The following PHF12 variants were observed in gnomAD, a reference collection of about 807,000 sequenced individuals.
PHF12 encodes the protein PHD finger protein 12, also known as PHD factor 1.
PHF12 carries 6 observed loss-of-function variants against 99.8 expected under a neutral mutation model. The observed-to-expected ratio is 0.06, with a 90% CI of 0.03 to 0.12. The LOEUF (loss-of-function observed/expected upper bound fraction) is 0.12. Among genes scored for constraint, PHF12 ranks in the 10% least tolerant of loss-of-function variants. The pLI is 1.00. For synonymous variants in PHF12, 480 were observed against 514.9 expected, an observed-to-expected ratio of 0.93 and a Z score of 0.92; for missense variants, 954 against 1,300.1, an observed-to-expected ratio of 0.73 and a Z score of 4.09.
In PHF12 at chr17:28,906,104, C is replaced by G. The variant is rs202138656; in HGVS notation, c.*79G>C. ...TTTCTGGTAGAGTATAGAAAACACC[C>G]GGGCTTGGTTTGTGTACATTTTTGC... On this transcript the variant is annotated 3_prime_UTR_variant, in exon 15 of 15. Coordinates refer to ENST00000332830, the MANE Select transcript of PHF12 (RefSeq NM_001033561.2). The surrounding 1 kb of genome is among the most constrained non-coding windows in gnomAD (Gnocchi z 4.2). 1.4e-6 allele frequency: 2 copies of G among 1,405,092 alleles called. No individual in the cohort carries two copies. Among genetic ancestry groups the G allele is most frequent in the East Asian group, 2.4e-5 (1 of 42,152 alleles). 87.0% of individuals were successfully genotyped at this position (1,405,092 alleles called of 1,614,324 possible). A position where few individuals can be genotyped will look rare whatever the true frequency, so the allele number is the denominator to read the frequency against.
Position 28,912,881 on chromosome 17 carries a change from G to T in PHF12, c.1690C>A (p.Arg564=). ...AGTGGGGTGTTAGCGCCTGGAAGTC[G>T]CCGGGGGTCCGTGGAATCAGTAGGG... The part of the protein sequence containing the change: ...SSPTDSTDPR[R]LPGANTPLPG... The change falls in exon 9 of 15, where the codon CGA becomes AGA. Residue 564 remains arginine (R), a synonymous_variant. Coordinates refer to ENST00000332830, the MANE Select transcript of PHF12 (RefSeq NM_001033561.2). 2 of 1,612,560 alleles carry T rather than the reference G, an allele frequency of 1.2e-6. No individual in the cohort carries two copies. Among genetic ancestry groups the T allele is most frequent in the Non-Finnish European group, 1.7e-6 (2 of 1,178,804 alleles).
At chr17:28,942,645 G>A (rs944782450) in intron 2 of PHF12, among the ~76,000 whole-genome samples, 3 of 151,686 alleles carry the variant, frequency 2.0e-5, no homozygotes, top group South Asian at 2.1e-4. Flanking sequence ...GTGAAACCCC[G>A]TCTCAACAAA....
rs535449187 is a variant in PHF12, at chr17:28,937,998, T to A, written c.249-10935A>T. 5.3e-5 allele frequency among the ~76,000 whole-genome samples: 8 copies of A among 152,302 alleles called. No homozygotes were observed. The East Asian group carries it at 1.5e-3, about 29-fold the overall frequency. ...GAAGGAAGAACCAACAACTGCCAAC[T>A]CTGTATTCTGGAAGAGTCTCAGAGG... On this transcript the variant is annotated intron_variant, in intron 2 of 14. Transcript: ENST00000332830.
chr17:28,947,619 C>A (rs1248906707), intron 2 of PHF12, among the ~76,000 whole-genome samples: 1 of 152,108 alleles, frequency 6.6e-6, no homozygotes, highest in Admixed American at 6.6e-5. Context: ...ACAAAAAAAA[C>A]TTCACTCTTG....
rs772293875 is a variant in PHF12, at chr17:28,913,240, A to G, written c.1331T>C (p.Leu444Ser). Residue 444 changes from leucine (L) to serine (S), a missense_variant, in exon 9 of 15, where the codon TTG (leucine) becomes TCG (serine). Physicochemically the swap from Leu to Ser is moderately radical, Grantham distance 145. Coordinates refer to ENST00000332830, the MANE Select transcript of PHF12 (RefSeq NM_001033561.2). ...CATCTGCTTAGCAGATAAATGTTTC[A>G]ATATGCTGCACTGGAGCGCAACAAC... Reference protein sequence around the residue: ...CSVVALQCSILKHLSAKQMPS... With the variant: ...CSVVALQCSISKHLSAKQMPS... 129 of 1,613,768 alleles carry G rather than the reference A, an allele frequency of 8.0e-5. No individual in the cohort carries two copies. Among genetic ancestry groups the G allele is most frequent in the Non-Finnish European group, 1.1e-4 (129 of 1,179,904 alleles).
chr17:28,907,700 G>A (rs760433256), intron 12 of PHF12, 28 bp from the exon 13 acceptor site: 23 of 1,599,882 alleles, frequency 1.4e-5, no homozygotes, highest in Admixed American at 3.3e-5. Flanking sequence ...TAGAGGAAAA[G>A]GAAGGCAGAG....
chr17:28,908,600 G>T, intron 12 of PHF12, 183 bp downstream of exon 12: 1 of 622,408 alleles, frequency 1.6e-6, no homozygotes, highest in Non-Finnish European at 2.8e-6. Flanking sequence ...GATTATAGGC[G>T]TGAGCCACCG....
chr17:28,940,691 C>G (rs1254957439), intron 2 of PHF12, among the ~76,000 whole-genome samples: 1 of 152,170 alleles, frequency 6.6e-6, no homozygotes, highest in African/African-American at 2.4e-5. Flanking sequence ...CTGGAAATGG[C>G]AGGCAGAAAA....
chr17:28,906,949 T>C lies in PHF12; in HGVS notation c.2587A>G (p.Thr863Ala), dbSNP rs374710227. 8.1e-6 allele frequency: 13 copies of C among 1,613,324 alleles called. No individual in the cohort carries two copies. Among genetic ancestry groups the C allele is most frequent in the African/African-American group, 4.0e-5 (3 of 74,820 alleles). Residue 863 changes from threonine to alanine, a missense_variant, in exon 14 of 15, where the codon ACG becomes GCG. Physicochemically the swap from Thr to Ala is moderately conservative, Grantham distance 58 (BLOSUM62 0). Around this residue, in one of 8 missense-constraint regions of PHF12, gnomAD observed 13 missense variants for 43.2 expected, o/e 0.30. Coordinates refer to ENST00000332830, the MANE Select transcript of PHF12 (RefSeq NM_001033561.2). This position sits in a 1 kb window ranked among gnomAD's most constrained non-coding sequence, Gnocchi z 4.2. ...CATGAATACAGCACATTGTCCACCGTTGTCCCATGCTCACTGTAGTTTAAC... is the reference window on the plus strand; with the variant it reads ...CATGAATACAGCACATTGTCCACCGCTGTCCCATGCTCACTGTAGTTTAAC... Reference protein sequence around the residue: ...ELLNYSEHGTTVDNVLYSCDF... With the variant: ...ELLNYSEHGTAVDNVLYSCDF...
chr17:28,950,002 C>G lies in PHF12; in HGVS notation c.248+63G>C. On this transcript the variant is annotated intron_variant, in intron 2 of 14. Transcript: ENST00000332830. This position sits in a 1 kb window ranked among gnomAD's most constrained non-coding sequence, Gnocchi z 5.7. ...GTTATTTCGGCAGTCAGGGGCAGGC[C>G]GGGTGAAGGAATGCGCAGAGAAGGG... The G allele has an allele frequency of 6.8e-7, 1 of 1,462,174 alleles. No individual in the cohort carries two copies. Among genetic ancestry groups the G allele is most frequent in the Non-Finnish European group, 9.1e-7 (1 of 1,095,868 alleles). 90.6% of individuals were successfully genotyped at this position (1,462,174 alleles called of 1,614,324 possible).
chr17:28,944,610 G>A, intron 2 of PHF12: 1 of 684,174 alleles, frequency 1.5e-6, no homozygotes, highest in South Asian at 6.6e-5. Flanking sequence ...TCACACCAAT[G>A]CACTCTAGCC....
chr17:28,916,072 A>G (rs2040055960), intron 7 of PHF12, among the ~76,000 whole-genome samples: 1 of 152,266 alleles, frequency 6.6e-6, no homozygotes, highest in African/African-American at 2.4e-5. Flanking sequence ...ATTTGAATCT[A>G]GTTTTGGAAA....
chr17:28,950,423 G>A lies in PHF12; in HGVS notation c.67-177C>T, dbSNP rs2040789018. ...GAACCAGGGGGAGCCCACCCTAACC[G>A]CGTTCCTGCAGCACAACAACGAGAA... On this transcript the variant is annotated intron_variant, in intron 1 of 14. Transcript: ENST00000332830. The surrounding 1 kb of genome is among the most constrained non-coding windows in gnomAD (Gnocchi z 5.7). 1.5e-6 allele frequency: 1 copy of A among 650,952 alleles called. No homozygotes were observed. The highest frequency in any genetic ancestry group is 2.6e-6 in the Non-Finnish European group (1 of 385,590). The allele number at this position is 650,952 out of a possible 1,614,324, so 40.3% of individuals were successfully genotyped here.
At chr17:28,944,927 A>G (rs535263960) in intron 2 of PHF12, 25 of 152,316 alleles carry the variant, frequency 1.6e-4, no homozygotes, top group African/African-American at 4.3e-4. Context: ...CACTTGCCTG[A>G]TACTATTCTA....
intron 2 of PHF12, among the ~76,000 whole-genome samples, chr17:28,947,427 A>G (rs2040739575): frequency 6.6e-6 from 1 of 152,196 alleles, no homozygotes; most frequent in Admixed American, 6.5e-5. Flanking sequence ...AAAATACAAA[A>G]ATTAGCTGGG....
At chr17:28,934,514 C>G (rs181014168) in intron 2 of PHF12, among the ~76,000 whole-genome samples, 140 of 152,094 alleles carry the variant, frequency 9.2e-4, no homozygotes, top group Non-Finnish European at 1.4e-3. Context: ...AAGGAAGGTT[C>G]TAGCAGTGGA....
intron 9 of PHF12, chr17:28,912,096 C>CGGCGT: frequency 9.7e-7 from 1 of 1,033,314 alleles, no homozygotes; most frequent in Non-Finnish European, 1.2e-6. Flanking sequence ...ATACTGAGGC[C>CGGCGT]ATCACGCAGA....
chr17:28,922,345 T>G (rs951189635), intron 4 of PHF12, among the ~76,000 whole-genome samples: 1 of 152,158 alleles, frequency 6.6e-6, no homozygotes, highest in Non-Finnish European at 1.5e-5. Flanking sequence ...CCTCCTGCCT[T>G]GATCTCTCAA....
intron 2 of PHF12, among the ~76,000 whole-genome samples, chr17:28,933,222 A>G (rs2040446931): frequency 6.6e-6 from 1 of 152,230 alleles, no homozygotes; most frequent in African/African-American, 2.4e-5. Flanking sequence ...AAAACACTAT[A>G]ATGAGACAAT....
Sources: gnomAD v4.1 joint callset for allele counts (sites outside exome capture counted in the v4.1 genomes callset) on GRCh38, gnomAD v4.1.1 for gene constraint, gnomAD v4.1.1 regional missense constraint, Gnocchi (gnomAD v3.1) non-coding constraint, MANE v1.5 for transcripts, NCBI Gene and HGNC (gene_info 2026-07-23, HGNC 2026-07-21) for gene names.